RBM20: variants seen among roughly 807,000 people sequenced by gnomAD.
The protein encoded by RBM20 is RNA binding motif protein 20.
A neutral mutation model predicts 110.1 loss-of-function variants in RBM20; 51 were observed. The ratio of observed to expected loss-of-function variants is 0.46; its 90% CI spans 0.37 to 0.59. RBM20 has a LOEUF of 0.59. Ranked by LOEUF, RBM20 falls within the 20% of genes least tolerant of loss-of-function variation. The pLI is 0.00. For synonymous variants in RBM20, 589 were observed against 618.2 expected, an observed-to-expected ratio of 0.95 and a Z score of 0.70; for missense variants, 1,512 against 1,574.9, an observed-to-expected ratio of 0.96 and a Z score of 0.68.
intron 1 of RBM20, among the ~76,000 whole-genome samples, chr10:110,751,720 C>G (rs1311586518): frequency 1.3e-5 from 2 of 151,948 alleles, no homozygotes; most frequent in Non-Finnish European, 2.9e-5. Flanking sequence ...TTTGGAGAAC[C>G]CATCTGTGGG....
At chr10:110,720,216 C>CA (rs1843489437) in intron 1 of RBM20, among the ~76,000 whole-genome samples, 1 of 152,168 alleles carries the variant, frequency 6.6e-6, no homozygotes, top group Non-Finnish European at 1.5e-5. Context: ...CCCACCTTTC[C>CA]AGTCACTGCA....
At chr10:110,755,122 T>G (rs1162459992) in intron 1 of RBM20, among the ~76,000 whole-genome samples, 1 of 152,184 alleles carries the variant, frequency 6.6e-6, no homozygotes, top group East Asian at 1.9e-4. Context: ...CTCTCTTGCT[T>G]TGCTCAGGTT....
Position 110,644,359 on chromosome 10 carries a change from A to C in RBM20, c.-96A>C. On this transcript the variant is annotated 5_prime_UTR_variant, in exon 1 of 14. Coordinates refer to ENST00000369519, the MANE Select transcript of RBM20 (RefSeq NM_001134363.3). This position sits in a 1 kb window ranked among gnomAD's most constrained non-coding sequence, Gnocchi z 4.3. ...CCGCGCCACCGGGAAGGACAAGGGG[A>C]CTGGGCACGGGGACCCCGGCCAGTG... The C allele has an allele frequency of 1.0e-6, 1 of 985,758 alleles. No homozygotes were observed. Among genetic ancestry groups the C allele is most frequent in the Non-Finnish European group, 1.4e-6 (1 of 730,580 alleles). The allele number at this position is 985,758 out of a possible 1,614,324, so 61.1% of individuals were successfully genotyped here. A position where few individuals can be genotyped will look rare whatever the true frequency, so the allele number is the denominator to read the frequency against.
At chr10:110,746,553 CAT>C (rs1843783065) in intron 1 of RBM20, among the ~76,000 whole-genome samples, 1 of 152,190 alleles carries the variant, frequency 6.6e-6, no homozygotes, top group Non-Finnish European at 1.5e-5. Flanking sequence ...CAGATGGTGG[CAT>C]TGCTCAGTCG....
At chr10:110,767,893 G>GGTT (rs1844127911) in intron 1 of RBM20, among the ~76,000 whole-genome samples, 3 of 152,264 alleles carry the variant, frequency 2.0e-5, no homozygotes, top group African/African-American at 7.2e-5. Flanking sequence ...GATGGGTGGA[G>GGTT]GTTGTAGCCA....
intron 1 of RBM20, among the ~76,000 whole-genome samples, chr10:110,774,223 C>G (rs1376234440): frequency 6.6e-6 from 1 of 152,150 alleles, no homozygotes; most frequent in East Asian, 1.9e-4. Flanking sequence ...AGTGAGAACA[C>G]TCATTAACAC....
At chr10:110,700,528 GGCCTA>G (rs1484686611) in intron 1 of RBM20, among the ~76,000 whole-genome samples, 7 of 152,290 alleles carry the variant, frequency 4.6e-5, no homozygotes, top group Non-Finnish European at 2.9e-5. Context: ...TGGAGGCAGA[GGCCTA>G]GGTTTGGTTT....
intron 13 of RBM20, chr10:110,831,536 C>T (rs1320146832): frequency 5.8e-6 from 1 of 171,382 alleles, no homozygotes; most frequent in Non-Finnish European, 1.3e-5. Flanking sequence ...TCCCTCTATA[C>T]TGTGAGTAAC....
chr10:110,648,879 A>G (rs1220198357), intron 1 of RBM20, among the ~76,000 whole-genome samples: 1 of 152,228 alleles, frequency 6.6e-6, no homozygotes, highest in Non-Finnish European at 1.5e-5. Context: ...CAAATTGCCA[A>G]AGAGATCAGT....
At chr10:110,656,346 C>T (rs548606844) in intron 1 of RBM20, among the ~76,000 whole-genome samples, 17 of 152,180 alleles carry the variant, frequency 1.1e-4, no homozygotes, top group African/African-American at 3.9e-4. Flanking sequence ...TTTCTTCATA[C>T]TTCTTATAAT....
chr10:110,760,425 CTTTTTTTTTTT>C (rs541027608), intron 1 of RBM20, among the ~76,000 whole-genome samples: 11 of 57,820 alleles, frequency 1.9e-4, no homozygotes, highest in Non-Finnish European at 2.8e-4. Flanking sequence ...ATTCCATCAT[CTTTTTTTTTTT>C]TTTTTTTTTT....
At chr10:110,830,917 G>C in intron 12 of RBM20, 144 bp from the exon 13 acceptor site, 1 of 734,096 alleles carries the variant, frequency 1.4e-6, no homozygotes, top group Non-Finnish European at 2.2e-6. Context: ...CTGAGGCTTG[G>C]AGAAGCTCAG....
At chr10:110,733,994 A>G (rs1408161322) in intron 1 of RBM20, among the ~76,000 whole-genome samples, 1 of 151,742 alleles carries the variant, frequency 6.6e-6, no homozygotes, top group African/African-American at 2.4e-5. Flanking sequence ...TGTTAGCCAC[A>G]TCCATTAGAT....
intron 1 of RBM20, among the ~76,000 whole-genome samples, chr10:110,752,945 A>ATATATTT (rs1433992064): frequency 4.9e-4 from 53 of 108,994 alleles, no homozygotes; most frequent in African/African-American, 1.7e-3. Context: ...ATATATATAT[A>ATATATTT]TTTTTTTTTT....
intron 7 of RBM20, among the ~76,000 whole-genome samples, chr10:110,804,100 T>C (rs1258547279): frequency 1.3e-5 from 2 of 152,186 alleles, no homozygotes; most frequent in Non-Finnish European, 2.9e-5. Flanking sequence ...GCCAGAGTTT[T>C]TTCCTAGAAG....
chr10:110,767,441 C>T (rs940851858), intron 1 of RBM20, among the ~76,000 whole-genome samples: 2 of 151,246 alleles, frequency 1.3e-5, no homozygotes, highest in African/African-American at 2.4e-5. Context: ...AGACGCTCCT[C>T]ACTTCCCAGA....
At chr10:110,816,188 T>A (rs1470718350) in intron 9 of RBM20, among the ~76,000 whole-genome samples, 2 of 151,862 alleles carry the variant, frequency 1.3e-5, no homozygotes, top group Non-Finnish European at 2.9e-5. Flanking sequence ...CCTCACCTCC[T>A]TCGTCTTTAC....
intron 5 of RBM20, among the ~76,000 whole-genome samples, chr10:110,792,177 ATC>A (rs1564847545): frequency 2.1e-4 from 32 of 151,618 alleles, no homozygotes; most frequent in South Asian, 2.1e-3. Flanking sequence ...CTATCTATCT[ATC>A]TATCTATCTA....
At chr10:110,650,373 C>T (rs1861928804) in intron 1 of RBM20, among the ~76,000 whole-genome samples, 1 of 152,156 alleles carries the variant, frequency 6.6e-6, no homozygotes, top group Admixed American at 6.6e-5. Context: ...GGGGAGATGG[C>T]ACATATTGGT....
Sources: allele counts gnomAD v4.1 joint callset (sites outside exome capture counted in the v4.1 genomes callset), GRCh38; gene constraint gnomAD v4.1.1; non-coding constraint Gnocchi (gnomAD v3.1); transcripts MANE v1.5; gene names NCBI Gene and HGNC (gene_info 2026-07-23, HGNC 2026-07-21).